Variants in HUNK observed in about 807,000 individuals in gnomAD.
HUNK encodes the protein hormonally up-regulated Neu-associated kinase, also known as hormonally up-regulated neu tumor-associated kinase.
In HUNK, 21 loss-of-function variants were observed where a neutral mutation model predicts 61.0. The ratio of observed to expected loss-of-function variants is 0.34; its 90% confidence interval spans 0.24 to 0.50. The LOEUF (loss-of-function observed/expected upper bound fraction) is 0.50, where lower values mean the gene tolerates loss of function less well. Ranked by LOEUF, HUNK falls within the 20% of genes least tolerant of loss-of-function variation. The probability of loss-of-function intolerance (pLI) is 0.98; values close to 1 mark genes in which losing one functional copy is unlikely to be tolerated. For missense variants in HUNK, 772 were observed against 945.7 expected, an observed-to-expected ratio of 0.82 and a Z score of 2.41; for synonymous variants, 371 against 386.1, an observed-to-expected ratio of 0.96 and a Z score of 0.46.
At chr21:31,997,543 T>C (rs946307358) in intron 10 of HUNK, among the ~76,000 whole-genome samples, 1 of 152,190 alleles carries the variant, frequency 6.6e-6, no homozygotes, top group Non-Finnish European at 1.5e-5. Flanking sequence ...GTTAGATTCA[T>C]AGAGACAGGC....
intron 4 of HUNK, among the ~76,000 whole-genome samples, chr21:31,951,646 C>T (rs906103483): frequency 6.6e-6 from 1 of 152,052 alleles, no homozygotes; most frequent in Non-Finnish European, 1.5e-5. Flanking sequence ...TCTGTTTTCA[C>T]ATAGTGGAAA....
At chr21:31,876,132 C>T (rs1252600628) in intron 1 of HUNK, among the ~76,000 whole-genome samples, 2 of 152,212 alleles carry the variant, frequency 1.3e-5, no homozygotes, top group Non-Finnish European at 2.9e-5. Flanking sequence ...AATCTCACTT[C>T]ATTGTTGCAA....
intron 5 of HUNK, among the ~76,000 whole-genome samples, chr21:31,967,130 CTTGAGCTCAGGGGT>C (rs2123848194): frequency 6.6e-6 from 1 of 151,946 alleles, no homozygotes; most frequent in East Asian, 2.0e-4. Flanking sequence ...AGGAGGATCG[CTTGAGCTCAGGGGT>C]TTGAGACCAG....
At chr21:31,984,435 G>A (rs906996075) in intron 8 of HUNK, among the ~76,000 whole-genome samples, 4 of 152,156 alleles carry the variant, frequency 2.6e-5, no homozygotes, top group Admixed American at 2.6e-4. Flanking sequence ...CTTAAAAATA[G>A]AGCTGAGTGT....
chr21:32,000,946 T>C lies in HUNK; in HGVS notation c.*1762T>C. ...CCATTGGTGTTATTTTTTGTATAGCTTCAGACTGGGTTCCAGAACTTACCA... is the reference window on the plus strand; with the variant it reads ...CCATTGGTGTTATTTTTTGTATAGCCTCAGACTGGGTTCCAGAACTTACCA... On this transcript the variant is annotated 3_prime_UTR_variant, in exon 11 of 11. Coordinates refer to ENST00000270112, the MANE Select transcript of HUNK (RefSeq NM_014586.2). 5.1e-6 allele frequency: 2 copies of C among 390,170 alleles called. No individual in the cohort carries two copies. The highest frequency in any genetic ancestry group is 9.0e-6 in the Non-Finnish European group (2 of 221,426). The allele number at this position is 390,170 out of a possible 1,614,324, so 24.2% of individuals were successfully genotyped here. A position where few individuals can be genotyped will look rare whatever the true frequency, so the allele number is the denominator to read the frequency against.
chr21:31,889,592 T>C (rs989917931), intron 1 of HUNK, among the ~76,000 whole-genome samples: 1 of 152,220 alleles, frequency 6.6e-6, no homozygotes, highest in Non-Finnish European at 1.5e-5. Flanking sequence ...AAAACACATC[T>C]CCAGGTTTTC....
intron 7 of HUNK, among the ~76,000 whole-genome samples, chr21:31,976,837 C>T (rs1334236513): frequency 6.6e-6 from 1 of 150,596 alleles, no homozygotes; most frequent in East Asian, 2.0e-4. Context: ...GTGGCATGAT[C>T]TCGGCTCACT....
intron 1 of HUNK, among the ~76,000 whole-genome samples, chr21:31,880,143 C>T (rs1055214515): frequency 7.9e-5 from 12 of 152,198 alleles, no homozygotes; most frequent in Admixed American, 2.6e-4. Flanking sequence ...CAGTGTTTTA[C>T]GGTTTTTTTC....
chr21:31,983,788 C>T (rs535280450), intron 8 of HUNK, among the ~76,000 whole-genome samples, 179 bp downstream of exon 8: 1 of 152,308 alleles, frequency 6.6e-6, no homozygotes, highest in Non-Finnish European at 1.5e-5. Flanking sequence ...GGTGTCTAAA[C>T]CATGGTTCTC....
At chr21:31,958,767 G>A (rs1199891233) in intron 4 of HUNK, 76 bp from the exon 5 acceptor site, 24 of 1,405,188 alleles carry the variant, frequency 1.7e-5, no homozygotes, top group East Asian at 1.4e-4. Context: ...CCCACGCTTC[G>A]GTGAAGCCCG....
At chr21:31,891,406 C>G (rs1020072612) in intron 1 of HUNK, among the ~76,000 whole-genome samples, 3 of 152,148 alleles carry the variant, frequency 2.0e-5, no homozygotes, top group Non-Finnish European at 4.4e-5. Flanking sequence ...AAAGAAACAG[C>G]TGGATTGCTT....
At chr21:31,993,874 C>T (rs1312599248) in intron 9 of HUNK, among the ~76,000 whole-genome samples, 5 of 152,124 alleles carry the variant, frequency 3.3e-5, no homozygotes, top group African/African-American at 2.4e-5. Context: ...ATTCAGATCC[C>T]ACTGCAGGAG....
intron 1 of HUNK, among the ~76,000 whole-genome samples, chr21:31,892,178 T>TAGAG (rs1459030196): frequency 1.1e-3 from 119 of 103,980 alleles, no homozygotes; most frequent in Non-Finnish European, 1.7e-3. Flanking sequence ...TATATATATA[T>TAGAG]ATAGAGAGAG....
chr21:31,935,202 T>C (rs1038172607), intron 2 of HUNK, among the ~76,000 whole-genome samples: 1 of 152,180 alleles, frequency 6.6e-6, no homozygotes, highest in African/African-American at 2.4e-5. Flanking sequence ...TAGTGTGGAT[T>C]GCTTAGGAAA....
At chr21:31,974,414 A>C in intron 6 of HUNK, 141 bp from the exon 7 acceptor site, 1 of 751,768 alleles carries the variant, frequency 1.3e-6, no homozygotes, top group Non-Finnish European at 2.1e-6. Flanking sequence ...CGCTTTTCTG[A>C]ATACGAGAAC....
At chr21:31,930,571 T>G (rs2052689656) in intron 2 of HUNK, among the ~76,000 whole-genome samples, 1 of 152,240 alleles carries the variant, frequency 6.6e-6, no homozygotes, top group Non-Finnish European at 1.5e-5. Context: ...CTACTTTTCT[T>G]TCTGAGCACG....
At chr21:31,982,359 T>G (rs1159916059) in intron 7 of HUNK, among the ~76,000 whole-genome samples, 1 of 152,244 alleles carries the variant, frequency 6.6e-6, no homozygotes, top group Non-Finnish European at 1.5e-5. Flanking sequence ...ACAACTCAAC[T>G]GCTCAGTAAT....
intron 2 of HUNK, among the ~76,000 whole-genome samples, chr21:31,935,315 C>T (rs1042877208): frequency 6.6e-6 from 1 of 152,148 alleles, no homozygotes; most frequent in African/African-American, 2.4e-5. Flanking sequence ...TGAGAGTTCC[C>T]GCATACCTTC....
At chr21:31,933,600 C>T (rs1232421606) in intron 2 of HUNK, among the ~76,000 whole-genome samples, 1 of 152,020 alleles carries the variant, frequency 6.6e-6, no homozygotes, top group Non-Finnish European at 1.5e-5. Context: ...GCCTGACCAA[C>T]ATGGAGAAAC....
Sources: allele counts gnomAD v4.1 joint callset (sites outside exome capture counted in the v4.1 genomes callset), GRCh38; gene constraint gnomAD v4.1.1; transcripts MANE v1.5; gene names NCBI Gene and HGNC (gene_info 2026-07-23, HGNC 2026-07-21).